The following NDST1 variants were observed in gnomAD, a reference collection of about 807,000 sequenced individuals.
NDST1 encodes the protein N-deacetylase and N-sulfotransferase 1, also known as bifunctional heparan sulfate N-deacetylase/N-sulfotransferase 1.
In NDST1, 35 loss-of-function variants were observed where a neutral mutation model predicts 92.8. The ratio of observed to expected loss-of-function variants is 0.38; its 90% confidence interval spans 0.29 to 0.50. NDST1 has a LOEUF of 0.50. NDST1 is among the 20% of genes least tolerant of loss of function. The pLI is 0.94. For synonymous variants in NDST1, 493 were observed against 500.3 expected (o/e 0.99, Z 0.19); for missense variants, 822 against 1,182.7 (o/e 0.69, Z 4.47).
In NDST1 at chr5:150,545,478, T is replaced by C; in HGVS notation, c.2137T>C (p.Trp713Arg). 1 of 1,614,190 alleles carries C rather than the reference T, an allele frequency of 6.2e-7. No individual in the cohort carries two copies. The highest frequency in any genetic ancestry group is 2.2e-5 in the East Asian group (1 of 44,890). Residue 713 changes from tryptophan to arginine, a missense_variant, in exon 11 of 15, where the codon TGG (tryptophan) becomes CGG (arginine). Trp to Arg is a moderately radical substitution (Grantham distance 101). Transcript: ENST00000261797. ...LINPADRAYS[W>R]YQHQRAHDDP... ...CAACCCCGCGGACCGGGCCTATTCC[T>C]GGTACCAGGTGAGTGGGGCTGGGGT... is the stretch of plus-strand genomic sequence containing the variant.
chr5:150,542,998 G>A, intron 10 of NDST1, 27 bp downstream of exon 10: 1 of 1,613,406 alleles, frequency 6.2e-7, no homozygotes, highest in Non-Finnish European at 8.5e-7. Flanking sequence ...GTCCACAGCG[G>A]GACGGGAAGG....
intron 1 of NDST1, among the ~76,000 whole-genome samples, chr5:150,510,591 G>T (rs1753679425): frequency 6.6e-6 from 1 of 152,236 alleles, no homozygotes; most frequent in African/African-American, 2.4e-5. Context: ...TGGTATGTTT[G>T]CTCGGTAAGC....
intron 3 of NDST1, among the ~76,000 whole-genome samples, chr5:150,530,840 A>C (rs2080861): frequency 0.31 from 46,534 of 152,078 alleles, 8,676 homozygotes; most frequent in Non-Finnish European, 0.4. Flanking sequence ...GTTTATGAGC[A>C]TGAGCCACCG....
At chr5:150,501,903 G>A (rs920292931) in intron 1 of NDST1, among the ~76,000 whole-genome samples, 13 of 152,204 alleles carry the variant, frequency 8.5e-5, no homozygotes, top group Non-Finnish European at 1.8e-4. Context: ...AGGGGCAGTA[G>A]ACTCCGGGAG....
intron 6 of NDST1, 108 bp from the exon 7 acceptor site, chr5:150,539,120 A>T: frequency 2.2e-6 from 2 of 906,302 alleles, no homozygotes; most frequent in Non-Finnish European, 1.8e-6. Context: ...GACCACATGG[A>T]GACTGCCTTT....
intron 4 of NDST1, among the ~76,000 whole-genome samples, chr5:150,534,156 GTGCAATCACAGCTTAC>G (rs898301056): frequency 6.7e-6 from 1 of 150,228 alleles, no homozygotes; most frequent in African/African-American, 2.4e-5. Context: ...GAGTACAGTG[GTGCAATCACAGCTTAC>G]TGCAGCCTTG....
intron 1 of NDST1, among the ~76,000 whole-genome samples, chr5:150,501,095 T>C (rs1452640809): frequency 1.3e-5 from 2 of 152,172 alleles, no homozygotes; most frequent in African/African-American, 4.8e-5. Flanking sequence ...TTTTTGTTGT[T>C]GTTGTTTTGT....
At chr5:150,538,940 G>C (rs1475798813) in intron 6 of NDST1, among the ~76,000 whole-genome samples, 1 of 152,232 alleles carries the variant, frequency 6.6e-6, no homozygotes, top group Non-Finnish European at 1.5e-5. Flanking sequence ...GGCCAGGCAG[G>C]GGCCGTGGCT....
At chr5:150,549,545 A>G in intron 12 of NDST1, 133 bp from the exon 13 acceptor site, 3 of 697,754 alleles carry the variant, frequency 4.3e-6, no homozygotes, top group Non-Finnish European at 7.9e-6. Context: ...GCCCTTCAAC[A>G]GGGGAGGAGG....
chr5:150,539,142 C>T, intron 6 of NDST1, 86 bp from the exon 7 acceptor site: 1 of 1,116,900 alleles, frequency 9.0e-7, no homozygotes, highest in South Asian at 1.3e-5. Flanking sequence ...TGAGGAGCAG[C>T]TGGGCCTTCT....
At chr5:150,539,637 C>T (rs1755154559) in intron 7 of NDST1, 1 of 985,312 alleles carries the variant, frequency 1.0e-6, no homozygotes, top group Non-Finnish European at 1.2e-6. Flanking sequence ...TGTGTGTATA[C>T]ACACATACAC....
chr5:150,521,172 G>T lies in NDST1; in HGVS notation c.-83G>T. ...TCTGTGAATTTGTTGGTCAGTGGAC[G>T]ATTCTCGTGTCTCCTCCTGTGTGGG... On this transcript the variant is annotated 5_prime_UTR_variant, in exon 2 of 15. Transcript: ENST00000261797. This position sits in a 1 kb window ranked among gnomAD's most constrained non-coding sequence, Gnocchi z 5.9. 1 of 1,301,436 alleles carries T rather than the reference G, an allele frequency of 7.7e-7. No homozygotes were observed. Among genetic ancestry groups the T allele is most frequent in the Non-Finnish European group, 1.1e-6 (1 of 942,982 alleles). The allele number at this position is 1,301,436 out of a possible 1,614,324, so 80.6% of individuals were successfully genotyped here.
In NDST1 at chr5:150,553,243, G is replaced by A. The variant is rs1755799865; in HGVS notation, c.2560G>A (p.Asp854Asn). Residue 854 changes from aspartate to asparagine, a missense_variant, in exon 15 of 15, where the codon GAC becomes AAC. Asp to Asn is a conservative substitution (Grantham distance 23). Coordinates refer to ENST00000261797, the MANE Select transcript of NDST1 (RefSeq NM_001543.5). The surrounding 1 kb of genome is among the most constrained non-coding windows in gnomAD (Gnocchi z 4.2). ...AGCCTTCCTGAAGGACTATTACCGG[G>A]ACCACAACATCGAGCTCTCCAAGCT... ...SRAFLKDYYR[D>N]HNIELSKLLY... is the part of the protein sequence containing the mutation. 5 of 1,613,656 alleles carry A rather than the reference G, an allele frequency of 3.1e-6. No individual in the cohort carries two copies. The East Asian group carries it at 8.9e-5, about 29-fold the overall frequency.
chr5:150,530,055 C>T (rs1283351832), intron 3 of NDST1, among the ~76,000 whole-genome samples: 1 of 152,166 alleles, frequency 6.6e-6, no homozygotes, highest in Admixed American at 6.5e-5. Context: ...GCCTGAGCCT[C>T]AGCTATAAAA....
intron 3 of NDST1, among the ~76,000 whole-genome samples, chr5:150,530,557 A>ATTTT (rs71589713): frequency 4.7e-5 from 6 of 127,258 alleles, no homozygotes; most frequent in Non-Finnish European, 8.0e-5. Flanking sequence ...CGTATTTTAA[A>ATTTT]TTTTTTTTTT....
chr5:150,502,130 G>A (rs1452524240), intron 1 of NDST1, among the ~76,000 whole-genome samples: 1 of 152,136 alleles, frequency 6.6e-6, no homozygotes, highest in Non-Finnish European at 1.5e-5. Context: ...AGCTGCTGGC[G>A]GGCCCGATGT....
At chr5:150,533,168 C>A in intron 4 of NDST1, 136 bp downstream of exon 4, 1 of 864,758 alleles carries the variant, frequency 1.2e-6, no homozygotes. Flanking sequence ...CCTCTGCCCC[C>A]GTGGAGCCAA....
At chr5:150,525,893 T>G (rs1754454932) in intron 2 of NDST1, among the ~76,000 whole-genome samples, 1 of 152,188 alleles carries the variant, frequency 6.6e-6, no homozygotes, top group Non-Finnish European at 1.5e-5. Flanking sequence ...AGCAGCCACA[T>G]GGATCTTTTT....
chr5:150,512,506 A>T (rs2344875), intron 1 of NDST1, among the ~76,000 whole-genome samples: 4,557 of 152,318 alleles, frequency 0.03, 393 homozygotes, highest in Admixed American at 0.16. Flanking sequence ...TAAATACAGG[A>T]TGAGGAAACA....
Sources: allele counts gnomAD v4.1 joint callset (sites outside exome capture counted in the v4.1 genomes callset), GRCh38; gene constraint gnomAD v4.1.1; non-coding constraint Gnocchi (gnomAD v3.1); transcripts MANE v1.5; gene names NCBI Gene and HGNC (gene_info 2026-07-23, HGNC 2026-07-21).